RBFOX1: variants seen among roughly 807,000 people sequenced by gnomAD.
RBFOX1 encodes the protein RNA binding protein fox-1 homolog 1.
In RBFOX1, 8 loss-of-function variants were observed where a neutral mutation model predicts 57.7. The observed-to-expected ratio is 0.14, with a 90% confidence interval of 0.08 to 0.25. The LOEUF (loss-of-function observed/expected upper bound fraction) is 0.25. RBFOX1 is among the 10% of genes least tolerant of loss of function. The pLI, the probability that RBFOX1 is intolerant of heterozygous loss-of-function variation, is 1.00. For missense variants in RBFOX1, 611 were observed against 548.5 expected (o/e 1.11, Z -1.14); for synonymous variants, 326 against 222.4 (o/e 1.47, Z -4.15).
chr16:6,324,659 A>G (rs2082171068), intron 2 of RBFOX1, among the ~76,000 whole-genome samples: 1 of 152,194 alleles, frequency 6.6e-6, no homozygotes, highest in South Asian at 2.1e-4. Context: ...TGATTTAATC[A>G]CCTACCACCT....
At chr16:6,802,651 T>A (rs2085759491) in intron 3 of RBFOX1, among the ~76,000 whole-genome samples, 1 of 152,206 alleles carries the variant, frequency 6.6e-6, no homozygotes. Flanking sequence ...TACTCCAGCC[T>A]GGGTGGCAGT....
chr16:5,958,050 G>T (rs1476868084), intron 4 of RBFOX1, among the ~76,000 whole-genome samples: 9 of 151,962 alleles, frequency 5.9e-5, no homozygotes, highest in Non-Finnish European at 4.4e-5. Context: ...GATTTGATGG[G>T]CATCTTTAGA....
chr16:7,661,767 T>A (rs1383667549), intron 12 of RBFOX1, among the ~76,000 whole-genome samples: 7 of 152,192 alleles, frequency 4.6e-5, no homozygotes, highest in Admixed American at 4.6e-4. Context: ...TTTGGCTTGT[T>A]TGAGCTTTTC....
intron 3 of RBFOX1, among the ~76,000 whole-genome samples, chr16:5,657,237 A>T (rs1003759621): frequency 6.6e-6 from 1 of 152,244 alleles, no homozygotes; most frequent in East Asian, 1.9e-4. Context: ...AGCAAGCCAT[A>T]TATGGTCTTA....
chr16:5,270,939 C>T (rs199993125), intron 1 of RBFOX1: 2 of 380,390 alleles, frequency 5.3e-6, no homozygotes, highest in Non-Finnish European at 9.8e-6. Context: ...AACCACTAGT[C>T]CAAGAATCTG....
At chr16:7,390,349 C>A (rs574227915) in intron 4 of RBFOX1, among the ~76,000 whole-genome samples, 1 of 152,220 alleles carries the variant, frequency 6.6e-6, no homozygotes, top group East Asian at 1.9e-4. Context: ...ATAAGTAGGA[C>A]TTGATCCAAA....
intron 3 of RBFOX1, among the ~76,000 whole-genome samples, chr16:5,802,153 T>G (rs2055079772): frequency 6.6e-6 from 1 of 152,158 alleles, no homozygotes; most frequent in Non-Finnish European, 1.5e-5. Context: ...TTAACTCCCC[T>G]TACTCCATGC....
intron 1 of RBFOX1, among the ~76,000 whole-genome samples, chr16:6,241,759 A>G (rs1002824025): frequency 6.6e-6 from 1 of 152,238 alleles, no homozygotes; most frequent in Non-Finnish European, 1.5e-5. Flanking sequence ...AAAATGTATT[A>G]AATGAGTGTT....
intron 3 of RBFOX1, among the ~76,000 whole-genome samples, chr16:5,744,182 C>G (rs1024599607): frequency 6.6e-6 from 1 of 152,074 alleles, no homozygotes; most frequent in East Asian, 1.9e-4. Flanking sequence ...GCTCCTTCCT[C>G]TTATCTTCCA....
At chr16:6,889,771 T>C (rs1048665657) in intron 3 of RBFOX1, among the ~76,000 whole-genome samples, 1 of 152,176 alleles carries the variant, frequency 6.6e-6, no homozygotes, top group Admixed American at 6.5e-5. Context: ...AAACCAGCAT[T>C]TTTCCAAAGG....
chr16:6,360,905 C>A (rs184092788), intron 2 of RBFOX1, among the ~76,000 whole-genome samples: 2 of 151,838 alleles, frequency 1.3e-5, no homozygotes, highest in African/African-American at 2.4e-5. Context: ...TTGTTTGAGC[C>A]GAAGACCGTT....
intron 2 of RBFOX1, among the ~76,000 whole-genome samples, chr16:5,581,032 T>C (rs1567255005): frequency 6.6e-6 from 1 of 152,190 alleles, no homozygotes; most frequent in Non-Finnish European, 1.5e-5. Context: ...AGACCTGGGA[T>C]GGATTTTTAA....
chr16:6,588,585 G>A (rs1244967777), intron 2 of RBFOX1, among the ~76,000 whole-genome samples: 4 of 152,140 alleles, frequency 2.6e-5, no homozygotes, highest in African/African-American at 4.8e-5. Context: ...CTAGGAGGTG[G>A]AGGTTGCAGT....
chr16:7,149,778 G>A (rs2075766150), intron 4 of RBFOX1, among the ~76,000 whole-genome samples: 1 of 152,002 alleles, frequency 6.6e-6, no homozygotes, highest in African/African-American at 2.4e-5. Flanking sequence ...TAGCCCCAGT[G>A]ACTTTTCCAT....
chr16:5,425,325 C>T (rs553385928), intron 1 of RBFOX1, among the ~76,000 whole-genome samples: 4 of 152,034 alleles, frequency 2.6e-5, no homozygotes, highest in Non-Finnish European at 5.9e-5. Flanking sequence ...AGGCTGGTCT[C>T]GGACTCCTGA....
intron 3 of RBFOX1, among the ~76,000 whole-genome samples, chr16:6,966,893 CTCCATCCATCCATCCATCCATCCATCCA>C (rs35524908): frequency 6.7e-6 from 1 of 149,484 alleles, no homozygotes; most frequent in East Asian, 2.0e-4. Context: ...CTATTCATCT[CTCCATCCATCCATCCATCCATCCATCCA>C]TCCATCCATC....
chr16:5,872,820 G>A (rs543455639), intron 4 of RBFOX1, among the ~76,000 whole-genome samples: 1 of 152,220 alleles, frequency 6.6e-6, no homozygotes, highest in Admixed American at 6.5e-5. Context: ...TTAGTATTTT[G>A]CTTCCATACA....
At chr16:7,418,026 T>C (rs1309878357) in intron 4 of RBFOX1, among the ~76,000 whole-genome samples, 1 of 152,100 alleles carries the variant, frequency 6.6e-6, no homozygotes, top group Non-Finnish European at 1.5e-5. Context: ...GGAGGTCCTC[T>C]ATAGATTTTC....
chr16:5,285,737 CTG>C (rs1243351429), intron 1 of RBFOX1, among the ~76,000 whole-genome samples: 1 of 152,104 alleles, frequency 6.6e-6, no homozygotes, highest in Non-Finnish European at 1.5e-5. Flanking sequence ...TGAATGGTGT[CTG>C]TGAGTTATTC....
Sources: gnomAD v4.1 joint callset for allele counts (sites outside exome capture counted in the v4.1 genomes callset) on GRCh38, gnomAD v4.1.1 for gene constraint, MANE v1.5 for transcripts, NCBI Gene and HGNC (gene_info 2026-07-23, HGNC 2026-07-21) for gene names.